Variants in NIPSNAP3B observed in about 807,000 individuals in gnomAD.
NIPSNAP3B encodes nipsnap homolog 3B.
In NIPSNAP3B, 30 loss-of-function variants were observed where a neutral mutation model predicts 31.5. The ratio of observed to expected loss-of-function variants is 0.95; its 90% CI spans 0.71 to 1.29. The LOEUF is 1.29. NIPSNAP3B is among the 50% of genes most tolerant of loss of function. The pLI, the probability that NIPSNAP3B is intolerant of heterozygous loss-of-function variation, is 0.00. For missense variants in NIPSNAP3B, 269 were observed against 300.7 expected (o/e 0.89, Z 0.78); for synonymous variants, 106 against 107.9 (o/e 0.98, Z 0.11).
chr9:104,786,146 C>A, the NIPSNAP3B span: 1 of 682,924 alleles, frequency 1.5e-6, no homozygotes, highest in Non-Finnish European at 2.5e-6. Context: ...AATTTGAATG[C>A]AGTTCGGACT....
chr9:104,784,305 AC>A, the NIPSNAP3B span: 23 of 1,613,942 alleles, frequency 1.4e-5, no homozygotes, highest in Admixed American at 5.0e-5. Flanking sequence ...CCCCGTATGA[AC>A]AGGATTCTTC....
chr9:104,766,275 T>G, intron 1 of NIPSNAP3B, 50 bp from the exon 2 acceptor site: 1 of 1,496,824 alleles, frequency 6.7e-7, no homozygotes, highest in Non-Finnish European at 9.3e-7. Context: ...TGTAACCAAA[T>G]CTGTAATTGT....
downstream of NIPSNAP3B, among the ~76,000 whole-genome samples, chr9:104,779,537 A>ACTT (rs1828412144): frequency 6.6e-6 from 1 of 151,848 alleles, no homozygotes; most frequent in Non-Finnish European, 1.5e-5. Context: ...GTAAAATGGT[A>ACTT]CTTTTTACCT....
the NIPSNAP3B span, chr9:104,784,517 G>A: frequency 3.7e-6 from 6 of 1,601,558 alleles, no homozygotes; most frequent in African/African-American, 5.4e-5. Flanking sequence ...CTTTATTCTA[G>A]TTCTATTTTT....
At chr9:104,765,947 A>G (rs899421236) in intron 1 of NIPSNAP3B, among the ~76,000 whole-genome samples, 6 of 152,238 alleles carry the variant, frequency 3.9e-5, no homozygotes, top group Admixed American at 6.5e-5. Flanking sequence ...GAACTAATAC[A>G]TATGGTATTG....
intron 1 of NIPSNAP3B, among the ~76,000 whole-genome samples, chr9:104,766,076 A>G (rs1276393898): frequency 6.6e-6 from 1 of 152,248 alleles, no homozygotes; most frequent in Non-Finnish European, 1.5e-5. Context: ...TCTTGTGAGC[A>G]AATTCTCGTG....
chr9:104,765,658 C>T (rs1828075055), intron 1 of NIPSNAP3B, among the ~76,000 whole-genome samples: 2 of 152,172 alleles, frequency 1.3e-5, no homozygotes, highest in Non-Finnish European at 2.9e-5. Context: ...ATGATGGAGA[C>T]AATTCTCATT....
chr9:104,780,826 A>C (rs182034135), downstream of NIPSNAP3B, among the ~76,000 whole-genome samples: 13 of 152,318 alleles, frequency 8.5e-5, no homozygotes, highest in Middle Eastern at 3.4e-3. Context: ...ACCAACATGA[A>C]AATACAAAAC....
At chr9:104,790,866 T>C in the NIPSNAP3B span, 1 of 1,220,456 alleles carries the variant, frequency 8.2e-7, no homozygotes, top group East Asian at 2.3e-5. Flanking sequence ...CCTATTTCTT[T>C]AAATAAATTA....
the NIPSNAP3B span, chr9:104,784,356 A>G: frequency 1.9e-6 from 3 of 1,614,124 alleles, no homozygotes; most frequent in Admixed American, 1.7e-5. Flanking sequence ...TGTAGAAAAG[A>G]TGTGAGAACT....
Position 104,774,888 on chromosome 9 carries a change from G to A in NIPSNAP3B, c.*1815G>A, listed in dbSNP as rs58386927. ...CTCTTCGATGACTCCCAGCACCTGC[G>A]CGTCCATCTTCATTCTTAGCCAATG... On this transcript the variant is annotated 3_prime_UTR_variant, in exon 6 of 6. Transcript: ENST00000374762. Among the ~76,000 whole-genome samples, 116 of 151,886 alleles carry A rather than the reference G, an allele frequency of 7.6e-4. No homozygotes were observed. The highest frequency in any genetic ancestry group is 2.4e-3 in the African/African-American group (99 of 41,394).
In NIPSNAP3B at chr9:104,764,209, C is replaced by G; in HGVS notation, c.-32C>G. 1 of 1,588,598 alleles carries G rather than the reference C, an allele frequency of 6.3e-7. No individual in the cohort carries two copies. The highest frequency in any genetic ancestry group is 8.6e-7 in the Non-Finnish European group (1 of 1,168,282). On this transcript the variant is annotated 5_prime_UTR_variant, in exon 1 of 6. Coordinates refer to ENST00000374762, the MANE Select transcript of NIPSNAP3B (RefSeq NM_018376.4). ...CAGAGAAGTCTCACAAAGGACTCGG[C>G]TGGCTGCTTTTCTCAGTGCCGAAGC...
chr9:104,766,823 G>T (rs966642612), intron 2 of NIPSNAP3B, among the ~76,000 whole-genome samples: 2 of 151,958 alleles, frequency 1.3e-5, no homozygotes, highest in Non-Finnish European at 2.9e-5. Flanking sequence ...TGTTAGAATC[G>T]TTTGCTATAA....
At position 104,773,382 on chromosome 9, in the gene NIPSNAP3B, G is replaced by A; in HGVS notation, c.*309G>A. 4.5e-6 allele frequency: 1 copy of A among 219,844 alleles called. No homozygotes were observed. Among genetic ancestry groups the A allele is most frequent in the South Asian group, 1.1e-4 (1 of 8,834 alleles). The allele number at this position is 219,844 out of a possible 1,614,324, so 13.6% of individuals were successfully genotyped here. ...TATTTTGATAACTCATTGCTTTATA[G>A]CATTTTCTTTTACTCAAATAAGGAT... On this transcript the variant is annotated 3_prime_UTR_variant, in exon 6 of 6. Coordinates refer to ENST00000374762, the MANE Select transcript of NIPSNAP3B (RefSeq NM_018376.4).
At chr9:104,767,065 AT>A (rs35535065) in intron 2 of NIPSNAP3B, among the ~76,000 whole-genome samples, 133 of 150,886 alleles carry the variant, frequency 8.8e-4, no homozygotes, top group Middle Eastern at 3.5e-3. Context: ...GGATAAGATA[AT>A]TTTTTTTTTC....
chr9:104,782,535 A>G (rs924870700), downstream of NIPSNAP3B: 9 of 152,288 alleles, frequency 5.9e-5, no homozygotes, highest in East Asian at 5.8e-4. Context: ...GTATTAGTGA[A>G]ACAGTATTTT....
chr9:104,788,677 A>G, the NIPSNAP3B span: 4 of 1,318,484 alleles, frequency 3.0e-6, no homozygotes, highest in Non-Finnish European at 4.3e-6. Context: ...AAAGATACCA[A>G]TACATCTGCT....
rs1042610455 is a variant in NIPSNAP3B at position 104,774,212 on chromosome 9, A to C, written c.*1139A>C. Among the ~76,000 whole-genome samples the C allele has an allele frequency of 6.6e-6, 1 of 152,246 alleles. No homozygotes were observed. Among genetic ancestry groups the C allele is most frequent in the Non-Finnish European group, 1.5e-5 (1 of 68,044 alleles). ...TAAAATCTTACAGCTATAAAATAGT[A>C]AATTGTGAATTAGCTGTCCAAGGGC... is the stretch of plus-strand genomic sequence containing the variant. On this transcript the variant is annotated 3_prime_UTR_variant, in exon 6 of 6. Coordinates refer to ENST00000374762, the MANE Select transcript of NIPSNAP3B (RefSeq NM_018376.4).
chr9:104,764,372 T>G, intron 1 of NIPSNAP3B, 72 bp downstream of exon 1: 2 of 1,327,050 alleles, frequency 1.5e-6, no homozygotes, highest in Non-Finnish European at 2.0e-6. Context: ...TTCTGAAGCG[T>G]GCGAGCCACG....
Sources: gnomAD v4.1 joint callset for allele counts (sites outside exome capture counted in the v4.1 genomes callset) on GRCh38, gnomAD v4.1.1 for gene constraint, MANE v1.5 for transcripts, NCBI Gene and HGNC (gene_info 2026-07-23, HGNC 2026-07-21) for gene names.